Variants in OTC observed in about 807,000 individuals in gnomAD.
The protein encoded by OTC is ornithine transcarbamylase.
Under a neutral mutation model 30.3 loss-of-function variants are expected in OTC, and 3 were observed. That is an observed-to-expected ratio of 0.10 (90% CI 0.05 to 0.26). OTC has a LOEUF of 0.26. Among genes scored for constraint, OTC ranks in the 10% least tolerant of loss-of-function variants. The probability of loss-of-function intolerance (pLI) is 1.00; values close to 1 mark genes in which losing one functional copy is unlikely to be tolerated. For missense variants in OTC, 194 were observed against 260.3 expected (o/e 0.75, Z 1.75); for synonymous variants, 111 against 99.7 (o/e 1.11, Z -0.67).
the OTC span, among the ~76,000 whole-genome samples, chrX:38,331,257 T>C: frequency 2.7e-5 from 3 of 109,808 alleles, no homozygotes; most frequent in Non-Finnish European, 5.7e-5. Flanking sequence ...GTTATCTATA[T>C]AGTATTTTTT....
chrX:38,347,688 G>A (rs2068196733), upstream of OTC, among the ~76,000 whole-genome samples: 1 of 111,480 alleles, frequency 9.0e-6, no homozygotes, highest in East Asian at 2.8e-4. Context: ...ATCTATGCCC[G>A]GGCTCTTAGA....
intron 3 of OTC, among the ~76,000 whole-genome samples, chrX:38,378,338 C>T (rs1054715404): frequency 9.4e-6 from 1 of 106,124 alleles, no homozygotes; most frequent in Non-Finnish European, 1.9e-5. Context: ...ATTCTCCTTC[C>T]CTGCTCTGTA....
the OTC span, among the ~76,000 whole-genome samples, chrX:38,341,766 T>C: frequency 7.2e-5 from 8 of 111,074 alleles, no homozygotes; most frequent in East Asian, 2.3e-3. Context: ...AATAAAAGAT[T>C]AGAAACTTGT....
chrX:38,373,838 T>C (rs762329536), intron 3 of OTC: 2 of 112,292 alleles, frequency 1.8e-5, no homozygotes, highest in East Asian at 5.6e-4. Flanking sequence ...CAAAATAAGA[T>C]TTACTTTTAT....
the OTC span, among the ~76,000 whole-genome samples, chrX:38,343,297 C>T: frequency 1.8e-5 from 2 of 111,777 alleles, no homozygotes; most frequent in Non-Finnish European, 3.8e-5. Context: ...GAACTTTGAA[C>T]CTCTGTGATT....
intron 6 of OTC, among the ~76,000 whole-genome samples, chrX:38,405,678 A>G (rs1169537057): frequency 8.9e-6 from 1 of 111,839 alleles, no homozygotes; most frequent in African/African-American, 3.3e-5. Context: ...AAGTCATCCT[A>G]TTATAGTAAA....
the OTC span, among the ~76,000 whole-genome samples, chrX:38,347,194 G>A: frequency 6.2e-4 from 69 of 112,151 alleles, no homozygotes; most frequent in Non-Finnish European, 8.8e-4. Flanking sequence ...TTGATTGCAA[G>A]TAATGAAAAC....
chrX:38,401,570 A>G, intron 5 of OTC, 142 bp downstream of exon 5: 1 of 525,967 alleles, frequency 1.9e-6, no homozygotes, highest in South Asian at 2.7e-5. Flanking sequence ...TTGTGTGTGC[A>G]TTTTCTGGGG....
At chrX:38,340,953 T>G in the OTC span, among the ~76,000 whole-genome samples, 10 of 110,536 alleles carry the variant, frequency 9.0e-5, no homozygotes, top group Non-Finnish European at 3.8e-5. Context: ...CCTGCTACCA[T>G]GCCCCACTAA....
the OTC span, among the ~76,000 whole-genome samples, chrX:38,342,051 G>A: frequency 3.9e-5 from 3 of 77,250 alleles, no homozygotes; most frequent in Non-Finnish European, 6.8e-5. Context: ...ATGGTGTCTC[G>A]CTCTGTCGCC....
intron 4 of OTC, among the ~76,000 whole-genome samples, chrX:38,385,002 C>T (rs1345449088): frequency 1.8e-5 from 2 of 111,389 alleles, no homozygotes; most frequent in East Asian, 5.6e-4. Flanking sequence ...CGGTGGCTCA[C>T]GTCTGTAATC....
intron 6 of OTC, among the ~76,000 whole-genome samples, chrX:38,406,756 A>G (rs1194712436): frequency 8.9e-6 from 1 of 112,087 alleles, no homozygotes; most frequent in Non-Finnish European, 1.9e-5. Context: ...TAGTTGCTAA[A>G]TTAGCTAGCC....
intron 1 of OTC, among the ~76,000 whole-genome samples, chrX:38,358,396 G>A (rs1022391465): frequency 1.8e-5 from 2 of 111,230 alleles, no homozygotes; most frequent in African/African-American, 6.5e-5. Flanking sequence ...GGTCTGTGAG[G>A]AGACAGTAAA....
the OTC span, among the ~76,000 whole-genome samples, chrX:38,332,977 G>A: frequency 9.0e-6 from 1 of 111,162 alleles, no homozygotes; most frequent in Middle Eastern, 4.3e-3. Flanking sequence ...CAGAACTTTG[G>A]GAGGCTGAGG....
chrX:38,346,106 G>A, the OTC span, among the ~76,000 whole-genome samples: 2 of 111,006 alleles, frequency 1.8e-5, no homozygotes, highest in African/African-American at 6.6e-5. Flanking sequence ...GGGTGACATA[G>A]TAAGACTCTA....
intron 1 of OTC, among the ~76,000 whole-genome samples, chrX:38,355,965 T>A (rs1014838900): frequency 9.2e-6 from 1 of 108,659 alleles, no homozygotes; most frequent in Middle Eastern, 4.7e-3. Flanking sequence ...GAAGAATTGC[T>A]TGAACCTGGG....
chrX:38,343,927 C>T, the OTC span, among the ~76,000 whole-genome samples: 2 of 111,799 alleles, frequency 1.8e-5, no homozygotes, highest in African/African-American at 6.5e-5. Context: ...ACTGATTTCA[C>T]AATTTCCCCT....
At chrX:38,377,039 C>A (rs763114242) in intron 3 of OTC, among the ~76,000 whole-genome samples, 2 of 111,927 alleles carry the variant, frequency 1.8e-5, no homozygotes, top group Admixed American at 1.9e-4. Flanking sequence ...AGTACACATT[C>A]TTTTCCTTAG....
In OTC at chrX:38,395,740, A is replaced by G. The variant is rs1316828623; in HGVS notation, c.387-5535A>G. 2.5e-5 allele frequency: 3 copies of G among 120,426 alleles called. No individual in the cohort carries two copies. The East Asian group carries it at 6.3e-4, about 25-fold the overall frequency. 9.9% of individuals were successfully genotyped at this position (120,426 alleles called of 1,213,427 possible). A position where few individuals can be genotyped will look rare whatever the true frequency, so the allele number is the denominator to read the frequency against. On this transcript the variant is annotated intron_variant, in intron 4 of 9. Transcript: ENST00000039007. ...CCATGGATGGCACAAACTCTGAAAT[A>G]AGGATGAATTGCAGGCTCCTCCTGG...
Sources: allele counts gnomAD v4.1 joint callset (sites outside exome capture counted in the v4.1 genomes callset), GRCh38; gene constraint gnomAD v4.1.1; transcripts MANE v1.5; gene names NCBI Gene and HGNC (gene_info 2026-07-23, HGNC 2026-07-21).